Variants in PROS1 observed in about 807,000 individuals in gnomAD.
PROS1 encodes protein S.
PROS1 carries 29 observed loss-of-function variants against 75.9 expected under a neutral mutation model. The ratio of observed to expected loss-of-function variants is 0.38; its 90% CI spans 0.28 to 0.52. The LOEUF is 0.52. Among genes scored for constraint, PROS1 ranks in the 20% least tolerant of loss-of-function variants. The probability of loss-of-function intolerance (pLI) is 0.83; values close to 1 mark genes in which losing one functional copy is unlikely to be tolerated. For synonymous variants in PROS1, 245 were observed against 280.6 expected (o/e 0.87, Z 1.27); for missense variants, 680 against 810.3 (o/e 0.84, Z 1.95).
chr3:93,896,337 T>A (rs559115561), intron 9 of PROS1, among the ~76,000 whole-genome samples: 5 of 152,320 alleles, frequency 3.3e-5, no homozygotes, highest in Admixed American at 3.3e-4. Flanking sequence ...TAATATGGAA[T>A]AATGTAAAAT....
chr3:93,922,088 G>A (rs1411676136), intron 3 of PROS1, among the ~76,000 whole-genome samples: 1 of 152,084 alleles, frequency 6.6e-6, no homozygotes, highest in Admixed American at 6.5e-5. Context: ...CGCCTACCCA[G>A]GCATTTCTTA....
At chr3:93,926,866 C>G (rs1465739262) in intron 2 of PROS1, among the ~76,000 whole-genome samples, 3 of 152,090 alleles carry the variant, frequency 2.0e-5, no homozygotes, top group Non-Finnish European at 4.4e-5. Context: ...ATAGTTTAGT[C>G]AGAACAAGCT....
At chr3:93,957,525 T>C (rs908230705) in intron 1 of PROS1, among the ~76,000 whole-genome samples, 3 of 152,218 alleles carry the variant, frequency 2.0e-5, no homozygotes, top group South Asian at 2.1e-4. Context: ...TAATAATGGA[T>C]TGTATGTTTC....
chr3:93,882,823 A>C (rs1576174845), intron 12 of PROS1, among the ~76,000 whole-genome samples: 1 of 152,130 alleles, frequency 6.6e-6, no homozygotes, highest in Non-Finnish European at 1.5e-5. Context: ...TGAAAGCAGC[A>C]CCAGCTACAG....
chr3:93,965,289 G>A (rs1709770606), intron 1 of PROS1, among the ~76,000 whole-genome samples: 1 of 152,196 alleles, frequency 6.6e-6, no homozygotes, highest in African/African-American at 2.4e-5. Flanking sequence ...ACTGCTGTTT[G>A]CCGCCGTCGC....
At chr3:93,952,259 A>T (rs931566887) in intron 1 of PROS1, among the ~76,000 whole-genome samples, 4 of 152,190 alleles carry the variant, frequency 2.6e-5, no homozygotes, top group Non-Finnish European at 5.9e-5. Context: ...CTCCACCCCA[A>T]ATCAACAGGA....
At chr3:93,918,043 G>A (rs763639557) in intron 3 of PROS1, among the ~76,000 whole-genome samples, 7 of 152,168 alleles carry the variant, frequency 4.6e-5, no homozygotes, top group Non-Finnish European at 8.8e-5. Flanking sequence ...AGCCAGCTGC[G>A]CTCCTGAGTC....
intron 3 of PROS1, among the ~76,000 whole-genome samples, chr3:93,923,857 A>T (rs753686898): frequency 7.9e-5 from 12 of 151,888 alleles, no homozygotes; most frequent in Non-Finnish European, 1.8e-4. Context: ...AGCTGAGAGC[A>T]GGCCACAGCA....
At chr3:93,942,417 C>T (rs532988426) in intron 1 of PROS1, among the ~76,000 whole-genome samples, 1 of 152,282 alleles carries the variant, frequency 6.6e-6, no homozygotes, top group Non-Finnish European at 1.5e-5. Flanking sequence ...CTCAAGGCTG[C>T]TTTACTTCCA....
chr3:93,879,629 T>C (rs1241304351), intron 12 of PROS1, among the ~76,000 whole-genome samples: 1 of 152,178 alleles, frequency 6.6e-6, no homozygotes, highest in Non-Finnish European at 1.5e-5. Flanking sequence ...CATTCACCAA[T>C]GCTCAAATCT....
intron 3 of PROS1, among the ~76,000 whole-genome samples, chr3:93,911,899 A>G (rs1229084885): frequency 6.6e-6 from 1 of 152,196 alleles, no homozygotes; most frequent in African/African-American, 2.4e-5. Flanking sequence ...TGATGAGGAC[A>G]CAGCAAAATG....
At chr3:93,926,623 C>T (rs1186848450) in intron 2 of PROS1, among the ~76,000 whole-genome samples, 1 of 152,278 alleles carries the variant, frequency 6.6e-6, no homozygotes, top group Non-Finnish European at 1.5e-5. Context: ...CAGAAAGAGA[C>T]TTTGTTTCAA....
In PROS1 at chr3:93,905,859, C is replaced by G. The variant is rs774449465; in HGVS notation, c.526G>C (p.Asp176His). The G allele has an allele frequency of 6.2e-7, 1 of 1,613,130 alleles. No individual in the cohort carries two copies. The highest frequency in any genetic ancestry group is 1.1e-5 in the South Asian group (1 of 91,036). ...CAGTGGTAACTTCCAGGTGTATTAT[C>G]ACAAATTTGACTGCAACCTCCATTT... is the stretch of plus-strand genomic sequence containing the variant. ...NINGGCSQIC[D>H]NTPGSYHCSC... The change falls in exon 6 of 15, where the codon GAT (aspartate) becomes CAT (histidine). Residue 176 changes from aspartate (D) to histidine (H), a missense_variant. By Grantham distance (81) the Asp-to-His change is moderately conservative (BLOSUM62 -1). Transcript: ENST00000394236.
chr3:93,947,327 C>CT (rs1444513319), intron 1 of PROS1, among the ~76,000 whole-genome samples: 1 of 152,098 alleles, frequency 6.6e-6, no homozygotes, highest in Non-Finnish European at 1.5e-5. Flanking sequence ...TATACAACTC[C>CT]ATTCAGAATA....
At chr3:93,955,672 A>T (rs1576215590) in intron 1 of PROS1, among the ~76,000 whole-genome samples, 2 of 152,104 alleles carry the variant, frequency 1.3e-5, no homozygotes, top group Admixed American at 1.3e-4. Flanking sequence ...ACATGTATAC[A>T]TATGTAACAA....
chr3:93,880,577 C>T (rs1708262469), intron 12 of PROS1, among the ~76,000 whole-genome samples: 1 of 152,040 alleles, frequency 6.6e-6, no homozygotes, highest in Non-Finnish European at 1.5e-5. Flanking sequence ...CATAATTGCA[C>T]ATATTTTGGG....
intron 8 of PROS1, 138 bp downstream of exon 8, chr3:93,898,310 A>C: frequency 2.1e-6 from 2 of 974,226 alleles, no homozygotes; most frequent in Non-Finnish European, 3.2e-6. Context: ...GTAAATAATC[A>C]TGACTCATAA....
intron 1 of PROS1, among the ~76,000 whole-genome samples, chr3:93,950,247 C>T (rs934296206): frequency 6.6e-6 from 1 of 152,204 alleles, no homozygotes; most frequent in African/African-American, 2.4e-5. Flanking sequence ...GTAGACTCCA[C>T]CTCTAGGGGC....
intron 10 of PROS1, among the ~76,000 whole-genome samples, chr3:93,889,262 A>G (rs1289208897): frequency 6.6e-6 from 1 of 151,928 alleles, no homozygotes; most frequent in African/African-American, 2.4e-5. Flanking sequence ...TTTTTCATGC[A>G]TTTGTTGTTT....
Sources: gnomAD v4.1 joint callset for allele counts (sites outside exome capture counted in the v4.1 genomes callset) on GRCh38, gnomAD v4.1.1 for gene constraint, MANE v1.5 for transcripts, NCBI Gene and HGNC (gene_info 2026-07-23, HGNC 2026-07-21) for gene names.